Variants in BICC1 observed in about 807,000 individuals in gnomAD.
BICC1 encodes BicC family RNA binding protein 1.
BICC1 carries 43 observed loss-of-function variants against 111.0 expected under a neutral mutation model. The ratio of observed to expected loss-of-function variants is 0.39; its 90% CI spans 0.30 to 0.50. The LOEUF is 0.50. Among genes scored for constraint, BICC1 ranks in the 20% least tolerant of loss-of-function variants. The pLI, the probability that BICC1 is intolerant of heterozygous loss-of-function variation, is 0.88. For synonymous variants in BICC1, 467 were observed against 434.4 expected (o/e 1.07, Z -0.93); for missense variants, 1,091 against 1,203.2 (o/e 0.91, Z 1.38).
chr10:58,812,210 AT>A (rs1337943414), intron 17 of BICC1, among the ~76,000 whole-genome samples: 2 of 152,082 alleles, frequency 1.3e-5, no homozygotes, highest in African/African-American at 4.8e-5. Flanking sequence ...GGGTATTAAG[AT>A]GACACTGATG....
chr10:58,797,076 G>A (rs1008702283), intron 10 of BICC1, among the ~76,000 whole-genome samples: 17 of 152,188 alleles, frequency 1.1e-4, no homozygotes, highest in East Asian at 7.7e-4. Context: ...ATGAACAAAC[G>A]TCATCATCTC....
At chr10:58,695,143 A>T (rs949126402) in intron 2 of BICC1, among the ~76,000 whole-genome samples, 15 of 152,220 alleles carry the variant, frequency 9.9e-5, no homozygotes, top group Non-Finnish European at 1.8e-4. Context: ...ATGATGAATA[A>T]CTGAATCATT....
chr10:58,648,593 C>A (rs536900864), intron 2 of BICC1: 1 of 984,160 alleles, frequency 1.0e-6, no homozygotes, highest in African/African-American at 1.7e-5. Context: ...GCCTCTCTCT[C>A]TCTCTTTCTC....
intron 8 of BICC1, among the ~76,000 whole-genome samples, chr10:58,791,142 C>G (rs1843163247): frequency 6.6e-6 from 1 of 151,942 alleles, no homozygotes; most frequent in Non-Finnish European, 1.5e-5. Context: ...TTTAGCCGAG[C>G]TTATTTTATC....
intron 3 of BICC1, among the ~76,000 whole-genome samples, chr10:58,711,164 A>T (rs1328456797): frequency 1.3e-5 from 2 of 152,132 alleles, no homozygotes; most frequent in Non-Finnish European, 2.9e-5. Context: ...TTGTACTTAA[A>T]ACTTTTGTAT....
Position 58,782,412 on chromosome 10 carries a change from T to C in BICC1, c.308-2589T>C, listed in dbSNP as rs115519167. ...AGGACCAATACATAAATGACTACAA[T>C]TGAAATATCTATGTGGTTCAATCTG... On this transcript the variant is annotated intron_variant, in intron 3 of 20. Coordinates refer to ENST00000373886, the MANE Select transcript of BICC1 (RefSeq NM_001080512.3). 1.9e-3 allele frequency among the ~76,000 whole-genome samples: 286 copies of C among 152,314 alleles called. 3 individuals carry two copies. Among genetic ancestry groups the C allele is most frequent in the African/African-American group, 6.4e-3 (264 of 41,570 alleles).
intron 2 of BICC1, among the ~76,000 whole-genome samples, chr10:58,697,331 AT>A (rs1425868984): frequency 1.3e-5 from 2 of 152,194 alleles, no homozygotes; most frequent in African/African-American, 4.8e-5. Flanking sequence ...CATTCATAAA[AT>A]TATCTCTTTA....
intron 1 of BICC1, among the ~76,000 whole-genome samples, chr10:58,608,784 A>G (rs534993304): frequency 6.6e-6 from 1 of 152,230 alleles, no homozygotes; most frequent in Non-Finnish European, 1.5e-5. Flanking sequence ...TTGAACCTAG[A>G]CTTTTCTGGT....
chr10:58,703,592 G>A (rs1012930631), intron 3 of BICC1, among the ~76,000 whole-genome samples: 2 of 152,128 alleles, frequency 1.3e-5, no homozygotes, highest in Non-Finnish European at 2.9e-5. Context: ...TTCTCAAGTG[G>A]TGTAGAATAT....
intron 1 of BICC1, among the ~76,000 whole-genome samples, chr10:58,596,372 T>G (rs1844812673): frequency 6.6e-6 from 1 of 152,174 alleles, no homozygotes; most frequent in Admixed American, 6.5e-5. Flanking sequence ...CCCTTCATGC[T>G]AAAAACTCTG....
chr10:58,779,086 A>G (rs1589130478), intron 3 of BICC1, among the ~76,000 whole-genome samples: 1 of 152,172 alleles, frequency 6.6e-6, no homozygotes, highest in Non-Finnish European at 1.5e-5. Flanking sequence ...GCCCATGTAC[A>G]GTTTTTGTTT....
intron 2 of BICC1, among the ~76,000 whole-genome samples, chr10:58,687,170 C>G (rs1334034260): frequency 1.3e-5 from 2 of 152,336 alleles, no homozygotes; most frequent in East Asian, 3.9e-4. Flanking sequence ...GTATCACCAG[C>G]GGAGCTGCAG....
At chr10:58,802,272 C>T (rs1843570637) in intron 14 of BICC1, among the ~76,000 whole-genome samples, 3 of 152,320 alleles carry the variant, frequency 2.0e-5, no homozygotes, top group South Asian at 4.1e-4. Context: ...CAACTTTTGT[C>T]AAGCAAAGTT....
intron 1 of BICC1, among the ~76,000 whole-genome samples, chr10:58,566,478 C>G (rs1032559700): frequency 6.6e-6 from 1 of 152,046 alleles, no homozygotes; most frequent in Non-Finnish European, 1.5e-5. Flanking sequence ...GTGCAAGTAT[C>G]CTTTTTGTAT....
At chr10:58,547,619 G>A (rs900500022) in intron 1 of BICC1, among the ~76,000 whole-genome samples, 2 of 152,034 alleles carry the variant, frequency 1.3e-5, no homozygotes, top group African/African-American at 2.4e-5. Flanking sequence ...TCAACTATTC[G>A]GAATTCTTCT....
At chr10:58,520,112 C>A (rs1658497) in intron 1 of BICC1, among the ~76,000 whole-genome samples, 7 of 151,886 alleles carry the variant, frequency 4.6e-5, no homozygotes, top group African/African-American at 1.7e-4. Flanking sequence ...CATGTTTTGT[C>A]GTCTGAAATT....
chr10:58,707,125 C>T (rs1411043819), intron 3 of BICC1, among the ~76,000 whole-genome samples: 1 of 152,158 alleles, frequency 6.6e-6, no homozygotes, highest in Non-Finnish European at 1.5e-5. Flanking sequence ...TTCTCTTCCT[C>T]CCAGAATCAA....
intron 3 of BICC1, among the ~76,000 whole-genome samples, chr10:58,769,616 T>C (rs902674689): frequency 1.3e-5 from 2 of 151,748 alleles, no homozygotes; most frequent in Non-Finnish European, 2.9e-5. Flanking sequence ...TTCTCCCATG[T>C]TTTCATTGTG....
At chr10:58,542,808 CAA>C (rs1304259050) in intron 1 of BICC1, among the ~76,000 whole-genome samples, 1 of 151,562 alleles carries the variant, frequency 6.6e-6, no homozygotes, top group Non-Finnish European at 1.5e-5. Context: ...CTCAAAACCA[CAA>C]GAGGTATCAC....
Sources: allele counts gnomAD v4.1 joint callset (sites outside exome capture counted in the v4.1 genomes callset), GRCh38; gene constraint gnomAD v4.1.1; transcripts MANE v1.5; gene names NCBI Gene and HGNC (gene_info 2026-07-23, HGNC 2026-07-21).